Variants in ABCC4 observed in about 807,000 individuals in gnomAD.
The protein encoded by ABCC4 is ATP binding cassette subfamily C member 4 (PEL blood group), also known as ATP-binding cassette sub-family C member 4.
A neutral mutation model predicts 168.5 loss-of-function variants in ABCC4; 102 were observed. That is an observed-to-expected ratio of 0.61 (90% CI 0.52 to 0.71). ABCC4 has a LOEUF of 0.71. Among genes scored for constraint, ABCC4 ranks in the 30% least tolerant of loss-of-function variants. ABCC4 has a pLI of 0.00. For synonymous variants in ABCC4, 617 were observed against 590.7 expected (o/e 1.04, Z -0.65); for missense variants, 1,402 against 1,605.8 (o/e 0.87, Z 2.17).
Position 95,074,340 on chromosome 13 carries a change from G to A in ABCC4, c.2807-16C>T, listed in dbSNP as rs760667023. On this transcript the variant is annotated splice_polypyrimidine_tract_variant and intron_variant, in intron 22 of 30. Coordinates refer to ENST00000645237, the MANE Select transcript of ABCC4 (RefSeq NM_005845.5). The stretch of plus-strand genomic sequence containing the variant: ...AACCAAGCCTCTGAATTTGAGAACG[G>A]TAATAAGCATGATGAATAAGTAGAT... 8.9e-6 allele frequency: 14 copies of A among 1,581,308 alleles called. No homozygotes were observed. In the East Asian group the frequency reaches 2.7e-4, roughly 30 times the overall value.
At position 95,206,875 on chromosome 13, in the gene ABCC4, A is replaced by T. The variant is rs867957440; in HGVS notation, c.912-94T>A. 20 of 1,437,184 alleles carry T rather than the reference A, an allele frequency of 1.4e-5. No homozygotes were observed. In the African/African-American group the frequency reaches 2.3e-4, roughly 16 times the overall value. 89.0% of individuals were successfully genotyped at this position (1,437,184 alleles called of 1,614,324 possible). A position where few individuals can be genotyped will look rare whatever the true frequency, so the allele number is the denominator to read the frequency against. ...CTCAGCACTTTGGGAGCTGAGGTGG[A>T]TGAATTGTTTGAACCCAGGAGTTTG... On this transcript the variant is annotated intron_variant, in intron 7 of 30. Transcript: ENST00000645237.
intron 19 of ABCC4, among the ~76,000 whole-genome samples, chr13:95,122,704 G>A (rs1279704622): frequency 1.6e-4 from 25 of 152,096 alleles, no homozygotes; most frequent in South Asian, 2.1e-4. Flanking sequence ...CTCAGCCTTC[G>A]CCCTTTCTCC....
chr13:95,193,837 C>T (rs1426243585), intron 9 of ABCC4, among the ~76,000 whole-genome samples: 1 of 152,236 alleles, frequency 6.6e-6, no homozygotes, highest in African/African-American at 2.4e-5. Flanking sequence ...GCGAACGCCT[C>T]ATGGCATGAT....
intron 19 of ABCC4, among the ~76,000 whole-genome samples, chr13:95,151,466 C>T (rs1426019859): frequency 3.1e-5 from 4 of 129,802 alleles, no homozygotes; most frequent in Admixed American, 2.5e-4. Context: ...CAGACCAAGA[C>T]TCTGTCTCAA....
rs1286621214 is a variant in ABCC4 at position 95,019,970 on chromosome 13, G to C, written c.*1605C>G. The stretch of plus-strand genomic sequence containing the variant: ...GTCCAAATAAACATATAGACATTTT[G>C]AATATAGCTATCGTTTTAACAAACC... On this transcript the variant is annotated 3_prime_UTR_variant, in exon 31 of 31. Coordinates refer to ENST00000645237, the MANE Select transcript of ABCC4 (RefSeq NM_005845.5). 1 of 152,178 alleles carries C rather than the reference G, an allele frequency of 6.6e-6. No homozygotes were observed. The highest frequency in any genetic ancestry group is 1.5e-5 in the Non-Finnish European group (1 of 68,014). The allele number at this position is 152,178 out of a possible 1,614,324, so 9.4% of individuals were successfully genotyped here. A position where few individuals can be genotyped will look rare whatever the true frequency, so the allele number is the denominator to read the frequency against.
At chr13:95,137,534 C>T (rs917560477) in intron 19 of ABCC4, among the ~76,000 whole-genome samples, 5 of 152,152 alleles carry the variant, frequency 3.3e-5, no homozygotes, top group African/African-American at 1.2e-4. Context: ...AAATCGTTAA[C>T]TCCCATATTT....
intron 1 of ABCC4, among the ~76,000 whole-genome samples, chr13:95,253,044 T>C (rs1166345642): frequency 6.6e-6 from 1 of 152,184 alleles, no homozygotes; most frequent in African/African-American, 2.4e-5. Context: ...TGCCTTTTAT[T>C]CCTCATTCAG....
At chr13:95,145,087 C>T (rs2036447884) in intron 19 of ABCC4, among the ~76,000 whole-genome samples, 1 of 152,058 alleles carries the variant, frequency 6.6e-6, no homozygotes, top group Non-Finnish European at 1.5e-5. Flanking sequence ...ATCAAAACCA[C>T]AATGAGATAT....
intron 23 of ABCC4, 133 bp downstream of exon 23, chr13:95,074,081 C>A: frequency 1.4e-6 from 1 of 702,278 alleles, no homozygotes; most frequent in South Asian, 2.1e-5. Context: ...CCTGACACAT[C>A]GTAAATGATT....
rs145069335 is a variant in ABCC4, at chr13:95,073,037, T to C, written c.3018+167A>G. Among the ~76,000 whole-genome samples, 359 of 152,264 alleles carry C rather than the reference T, an allele frequency of 2.4e-3. 1 individual carries two copies. Among genetic ancestry groups the C allele is most frequent in the African/African-American group, 6.2e-3 (258 of 41,538 alleles). ...ACCATAAGACTCAGAAAAAGATGTA[T>C]ATATTTTATTTTACATTAACTTTAA... is the stretch of plus-strand genomic sequence containing the variant. On this transcript the variant is annotated intron_variant, in intron 24 of 30. Transcript: ENST00000645237.
chr13:95,172,572 GA>G (rs56278771), intron 13 of ABCC4, among the ~76,000 whole-genome samples: 1,262 of 124,628 alleles, frequency 0.01, 8 homozygotes, highest in East Asian at 0.017. Context: ...CCTCAAAAAG[GA>G]AAAAAAAAAA....
chr13:95,172,777 C>G (rs988365202), intron 13 of ABCC4, among the ~76,000 whole-genome samples: 1 of 147,112 alleles, frequency 6.8e-6, no homozygotes, highest in East Asian at 2.0e-4. Context: ...CAAAAAAACA[C>G]GAAACTTAGC....
intron 29 of ABCC4, among the ~76,000 whole-genome samples, chr13:95,040,501 G>A (rs961478255): frequency 6.6e-6 from 1 of 152,190 alleles, no homozygotes; most frequent in African/African-American, 2.4e-5. Context: ...CTCCCAAAGT[G>A]CTGGGATTAC....
intron 26 of ABCC4, among the ~76,000 whole-genome samples, chr13:95,060,643 T>C (rs142679839): frequency 4.3e-4 from 66 of 152,364 alleles, no homozygotes; most frequent in African/African-American, 1.5e-3. Flanking sequence ...ATGCTTCTAA[T>C]AGCCAGAGGG....
intron 25 of ABCC4, among the ~76,000 whole-genome samples, chr13:95,071,020 TG>T (rs2033706156): frequency 6.6e-6 from 1 of 152,112 alleles, no homozygotes; most frequent in Non-Finnish European, 1.5e-5. Flanking sequence ...GGTGTTCTCA[TG>T]ATAGTGAATA....
At chr13:95,104,466 A>G (rs969049334) in intron 20 of ABCC4, among the ~76,000 whole-genome samples, 1 of 152,168 alleles carries the variant, frequency 6.6e-6, no homozygotes, top group African/African-American at 2.4e-5. Context: ...CACACATAAT[A>G]CATCATCTAT....
chr13:95,155,200 GA>G (rs1217210791), intron 19 of ABCC4, among the ~76,000 whole-genome samples: 1 of 151,830 alleles, frequency 6.6e-6, no homozygotes, highest in Non-Finnish European at 1.5e-5. Flanking sequence ...GTCAAGCTGG[GA>G]AGGAATCATT....
chr13:95,066,678 T>C (rs1474737229), intron 25 of ABCC4, among the ~76,000 whole-genome samples: 2 of 152,206 alleles, frequency 1.3e-5, no homozygotes, highest in Non-Finnish European at 2.9e-5. Flanking sequence ...CTTAGTAAGA[T>C]TGATTAAACT....
chr13:95,022,007 G>T (rs2031114363), intron 30 of ABCC4, among the ~76,000 whole-genome samples: 1 of 152,162 alleles, frequency 6.6e-6, no homozygotes. Context: ...TAAAAACAGG[G>T]TGACAAAGAG....
Sources: gnomAD v4.1 joint callset for allele counts (sites outside exome capture counted in the v4.1 genomes callset) on GRCh38, gnomAD v4.1.1 for gene constraint, MANE v1.5 for transcripts, NCBI Gene and HGNC (gene_info 2026-07-23, HGNC 2026-07-21) for gene names.